Variants in MAGI2 observed in about 807,000 individuals in gnomAD.
MAGI2 encodes membrane associated guanylate kinase, WW and PDZ domain containing 2, also known as membrane-associated guanylate kinase, WW and PDZ domain-containing protein 2.
In MAGI2, 35 loss-of-function variants were observed where a neutral mutation model predicts 133.3. The ratio of observed to expected loss-of-function variants is 0.26; its 90% CI spans 0.20 to 0.35. The LOEUF is 0.35. MAGI2 is among the 10% of genes least tolerant of loss of function. MAGI2 has a pLI of 1.00. For synonymous variants in MAGI2, 729 were observed against 710.6 expected, an observed-to-expected ratio of 1.03 and a Z score of -0.41; for missense variants, 1,636 against 1,863.4, an observed-to-expected ratio of 0.88 and a Z score of 2.25.
intron 1 of MAGI2, among the ~76,000 whole-genome samples, chr7:79,323,372 A>G (rs1436356991): frequency 6.6e-6 from 1 of 152,188 alleles, no homozygotes; most frequent in Admixed American, 6.5e-5. Context: ...TAATTAACCC[A>G]AATTTGAGAC....
At chr7:79,093,819 A>T (rs1817294727) in intron 1 of MAGI2, among the ~76,000 whole-genome samples, 1 of 145,938 alleles carries the variant, frequency 6.9e-6, no homozygotes. Context: ...GGTTCAAGTG[A>T]TTCTCCCACC....
chr7:79,407,297 C>T (rs891111349), intron 1 of MAGI2, among the ~76,000 whole-genome samples: 5 of 152,090 alleles, frequency 3.3e-5, no homozygotes, highest in African/African-American at 9.7e-5. Flanking sequence ...TTAAAGAAAA[C>T]CTTCACATGG....
intron 2 of MAGI2, among the ~76,000 whole-genome samples, chr7:78,914,090 G>A (rs114611233): frequency 1.3e-5 from 2 of 152,252 alleles, no homozygotes; most frequent in Admixed American, 1.3e-4. Context: ...GCTAATAAAA[G>A]TTCAAATTAC....
At chr7:78,747,314 A>T (rs1395366009) in intron 2 of MAGI2, among the ~76,000 whole-genome samples, 1 of 152,144 alleles carries the variant, frequency 6.6e-6, no homozygotes, top group Non-Finnish European at 1.5e-5. Context: ...ACTACCAAAG[A>T]TCTTTGGTTT....
At chr7:78,382,687 G>A (rs62461545) in intron 6 of MAGI2, among the ~76,000 whole-genome samples, 45,975 of 151,726 alleles carry the variant, frequency 0.3, 7,555 homozygotes, top group Middle Eastern at 0.43. Flanking sequence ...GTACTCTATC[G>A]AACACTGAAT....
At chr7:79,436,245 C>T (rs1199400394) in intron 1 of MAGI2, among the ~76,000 whole-genome samples, 1 of 144,004 alleles carries the variant, frequency 6.9e-6, no homozygotes, top group Non-Finnish European at 1.5e-5. Flanking sequence ...AAAAAAAAGT[C>T]CTTGAAGAAA....
At chr7:78,869,904 G>C (rs1245072807) in intron 2 of MAGI2, among the ~76,000 whole-genome samples, 12 of 152,132 alleles carry the variant, frequency 7.9e-5, no homozygotes, top group Non-Finnish European at 1.8e-4. Flanking sequence ...TTGGCTGTAA[G>C]TATTTGGCTT....
At chr7:78,576,020 T>C (rs947383350) in intron 3 of MAGI2, among the ~76,000 whole-genome samples, 5 of 152,162 alleles carry the variant, frequency 3.3e-5, no homozygotes, top group Admixed American at 2.6e-4. Flanking sequence ...ATAAACTCTC[T>C]GTACTATTTT....
chr7:79,062,487 T>C (rs1277473657), intron 1 of MAGI2, among the ~76,000 whole-genome samples: 1 of 152,124 alleles, frequency 6.6e-6, no homozygotes, highest in East Asian at 1.9e-4. Context: ...CTGTTCTTCT[T>C]AAAAACCTAT....
chr7:78,677,949 C>G (rs1272158673), intron 2 of MAGI2, among the ~76,000 whole-genome samples: 3 of 152,102 alleles, frequency 2.0e-5, no homozygotes, highest in African/African-American at 7.2e-5. Flanking sequence ...GAACCAAAAT[C>G]TAAGTCCTAG....
intron 1 of MAGI2, among the ~76,000 whole-genome samples, chr7:79,371,391 AT>A (rs1003430022): frequency 2.0e-5 from 3 of 152,128 alleles, no homozygotes; most frequent in Admixed American, 6.6e-5. Context: ...GGAAAAAAAA[AT>A]AACTTATAAT....
intron 2 of MAGI2, among the ~76,000 whole-genome samples, chr7:78,817,208 T>C (rs1789662275): frequency 6.6e-6 from 1 of 152,216 alleles, no homozygotes; most frequent in African/African-American, 2.4e-5. Flanking sequence ...TACAAACTCA[T>C]GACAAAACTT....
intron 2 of MAGI2, among the ~76,000 whole-genome samples, chr7:78,980,336 A>G (rs1296180324): frequency 6.6e-6 from 1 of 151,920 alleles, no homozygotes; most frequent in Admixed American, 6.6e-5. Flanking sequence ...GGCAAACTGC[A>G]ACACAAATTT....
chr7:78,998,268 C>T (rs1471991467), intron 2 of MAGI2, among the ~76,000 whole-genome samples: 2 of 152,120 alleles, frequency 1.3e-5, no homozygotes, highest in East Asian at 3.9e-4. Context: ...TTTACACCTG[C>T]TCAATATCAA....
intron 1 of MAGI2, among the ~76,000 whole-genome samples, chr7:79,358,486 T>C (rs1055870787): frequency 2.6e-5 from 4 of 152,058 alleles, no homozygotes; most frequent in African/African-American, 4.8e-5. Flanking sequence ...TGGTAGTCTA[T>C]AGATAAAAGG....
intron 1 of MAGI2, among the ~76,000 whole-genome samples, chr7:79,282,054 C>T (rs946041927): frequency 6.6e-6 from 1 of 152,030 alleles, no homozygotes; most frequent in African/African-American, 2.4e-5. Context: ...GAAAAGGGAT[C>T]AATGAAAAGA....
chr7:79,324,105 G>A (rs995024925), intron 1 of MAGI2, among the ~76,000 whole-genome samples: 4 of 151,984 alleles, frequency 2.6e-5, no homozygotes, highest in African/African-American at 9.7e-5. Context: ...TATTTAAAAA[G>A]GAGATAATAG....
chr7:78,807,250 T>C (rs896531878), intron 2 of MAGI2, among the ~76,000 whole-genome samples: 1 of 152,108 alleles, frequency 6.6e-6, no homozygotes, highest in African/African-American at 2.4e-5. Context: ...TTGATATTTA[T>C]AGTATTAGAC....
intron 3 of MAGI2, among the ~76,000 whole-genome samples, chr7:78,585,381 G>A (rs1216894464): frequency 1.3e-5 from 2 of 152,154 alleles, no homozygotes; most frequent in Admixed American, 6.5e-5. Context: ...ATCATACTCA[G>A]GTATCTGAAG....
Sources: gnomAD v4.1 joint callset for allele counts (sites outside exome capture counted in the v4.1 genomes callset) on GRCh38, gnomAD v4.1.1 for gene constraint, MANE v1.5 for transcripts, NCBI Gene and HGNC (gene_info 2026-07-23, HGNC 2026-07-21) for gene names.